The following CNTN5 variants were observed in gnomAD, a reference collection of about 807,000 sequenced individuals.
CNTN5 encodes the protein contactin-5.
Under a neutral mutation model 129.1 loss-of-function variants are expected in CNTN5, and 77 were observed. The ratio of observed to expected loss-of-function variants is 0.60; its 90% CI spans 0.50 to 0.72. The LOEUF is 0.72. Among genes scored for constraint, CNTN5 ranks in the 30% least tolerant of loss-of-function variants. CNTN5 has a pLI of 0.00. For synonymous variants in CNTN5, 509 were observed against 465.6 expected (o/e 1.09, Z -1.20); for missense variants, 1,478 against 1,328.8 (o/e 1.11, Z -1.75).
chr11:99,495,299 C>A (rs1282994243), intron 2 of CNTN5, among the ~76,000 whole-genome samples: 2 of 152,128 alleles, frequency 1.3e-5, no homozygotes, highest in South Asian at 2.1e-4. Context: ...ACCCTGGAGG[C>A]GGAGGCTGTA....
intron 2 of CNTN5, among the ~76,000 whole-genome samples, chr11:99,350,302 A>C (rs953810167): frequency 1.3e-5 from 2 of 152,224 alleles, no homozygotes; most frequent in African/African-American, 4.8e-5. Flanking sequence ...TTAAAGAATG[A>C]AAACACCAAA....
intron 18 of CNTN5, among the ~76,000 whole-genome samples, chr11:100,284,841 T>C (rs977600364): frequency 2.6e-5 from 4 of 152,318 alleles, no homozygotes; most frequent in Non-Finnish European, 2.9e-5. Context: ...TGAATAAATA[T>C]ACATATATGC....
intron 3 of CNTN5, among the ~76,000 whole-genome samples, chr11:99,731,126 T>G (rs2135097401): frequency 6.6e-6 from 1 of 152,178 alleles, no homozygotes; most frequent in Non-Finnish European, 1.5e-5. Flanking sequence ...CTTTTTTTTT[T>G]GAGACGGAGT....
intron 2 of CNTN5, among the ~76,000 whole-genome samples, chr11:99,495,952 T>G (rs139924937): frequency 1.6e-3 from 242 of 152,282 alleles, no homozygotes; most frequent in African/African-American, 5.4e-3. Context: ...AATGCACCAC[T>G]TACTGACATG....
intron 13 of CNTN5, among the ~76,000 whole-genome samples, chr11:100,139,004 G>T (rs1257768107): frequency 2.6e-5 from 4 of 152,088 alleles, no homozygotes. Flanking sequence ...AGGAATGCAA[G>T]ATGATTCTAG....
At chr11:99,106,934 A>T (rs1038917959) in intron 1 of CNTN5, among the ~76,000 whole-genome samples, 2 of 152,146 alleles carry the variant, frequency 1.3e-5, no homozygotes, top group Non-Finnish European at 1.5e-5. Context: ...TAACATTAAC[A>T]GTACAAGACT....
intron 6 of CNTN5, among the ~76,000 whole-genome samples, chr11:99,863,599 A>G (rs1948273829): frequency 6.6e-6 from 1 of 152,112 alleles, no homozygotes; most frequent in African/African-American, 2.4e-5. Context: ...AATTCAGCCT[A>G]TTGTAATTAA....
intron 2 of CNTN5, among the ~76,000 whole-genome samples, chr11:99,417,497 T>C (rs1942711724): frequency 6.6e-6 from 1 of 152,134 alleles, no homozygotes; most frequent in Non-Finnish European, 1.5e-5. Context: ...GCACAAAAGA[T>C]GTTTCATTAA....
intron 1 of CNTN5, among the ~76,000 whole-genome samples, chr11:99,097,905 A>T (rs1171069471): frequency 6.6e-6 from 1 of 152,028 alleles, no homozygotes; most frequent in Non-Finnish European, 1.5e-5. Context: ...ATAAGGAAGT[A>T]AATAAGATTT....
At chr11:99,113,196 C>T (rs1024454038) in intron 1 of CNTN5, among the ~76,000 whole-genome samples, 5 of 152,044 alleles carry the variant, frequency 3.3e-5, no homozygotes, top group African/African-American at 1.2e-4. Context: ...TCAATGTGCT[C>T]ATACTGGTGA....
chr11:99,931,993 TAA>T (rs911019552), intron 7 of CNTN5, among the ~76,000 whole-genome samples: 45 of 152,296 alleles, frequency 3.0e-4, no homozygotes, highest in African/African-American at 1.0e-3. Context: ...AAATTAACTT[TAA>T]GTTCCTTAAC....
chr11:99,845,409 G>C (rs1947656746), intron 6 of CNTN5, 147 bp downstream of exon 6: 1 of 389,082 alleles, frequency 2.6e-6, no homozygotes, highest in Non-Finnish European at 3.9e-6. Context: ...GTCTCGCTCT[G>C]TCGCCCAGGC....
intron 13 of CNTN5, among the ~76,000 whole-genome samples, chr11:100,157,038 T>C (rs1056684173): frequency 3.3e-5 from 5 of 152,080 alleles, no homozygotes; most frequent in Admixed American, 6.6e-5. Flanking sequence ...CTGCTAGCTT[T>C]TGAATTTGTT....
chr11:100,130,804 A>G (rs1172180095), intron 13 of CNTN5, among the ~76,000 whole-genome samples: 2 of 152,268 alleles, frequency 1.3e-5, no homozygotes, highest in African/African-American at 2.4e-5. Context: ...AAGAGATGGC[A>G]TGATCCACAG....
chr11:99,503,651 T>C (rs911063983), intron 2 of CNTN5, among the ~76,000 whole-genome samples: 2 of 152,196 alleles, frequency 1.3e-5, no homozygotes, highest in Admixed American at 6.5e-5. Context: ...CCTGGGTCTT[T>C]TATTTTGTCA....
chr11:100,148,180 A>C (rs1351631123), intron 13 of CNTN5, among the ~76,000 whole-genome samples: 2 of 152,124 alleles, frequency 1.3e-5, no homozygotes. Context: ...TAAAACTCTG[A>C]GCACTCTATC....
intron 3 of CNTN5, among the ~76,000 whole-genome samples, chr11:99,757,154 C>G (rs1376600662): frequency 6.6e-6 from 1 of 152,000 alleles, no homozygotes; most frequent in Non-Finnish European, 1.5e-5. Flanking sequence ...TTTCTCTTAG[C>G]TTCTGGTATT....
intron 11 of CNTN5, 78 bp from the exon 12 acceptor site, chr11:100,071,627 T>C (rs1434580417): frequency 6.3e-6 from 7 of 1,112,642 alleles, no homozygotes; most frequent in Non-Finnish European, 7.4e-6. Flanking sequence ...TTGTTTTTTC[T>C]TAGTCTAGGA....
intron 7 of CNTN5, among the ~76,000 whole-genome samples, chr11:99,918,567 C>T (rs1949853397): frequency 6.6e-6 from 1 of 152,086 alleles, no homozygotes; most frequent in South Asian, 2.1e-4. Flanking sequence ...TAGAAAATAA[C>T]CTCCACAAGC....
Sources: gnomAD v4.1 joint callset for allele counts (sites outside exome capture counted in the v4.1 genomes callset) on GRCh38, gnomAD v4.1.1 for gene constraint, MANE v1.5 for transcripts, NCBI Gene and HGNC (gene_info 2026-07-23, HGNC 2026-07-21) for gene names.